The following NPC1 variants were observed in gnomAD, a reference collection of about 807,000 sequenced individuals.
NPC1 encodes Niemann-Pick C1 protein.
NPC1 carries 85 observed loss-of-function variants against 140.4 expected under a neutral mutation model. The ratio of observed to expected loss-of-function variants is 0.61; its 90% CI spans 0.51 to 0.72. NPC1 has a LOEUF of 0.72. Among genes scored for constraint, NPC1 ranks in the 30% least tolerant of loss-of-function variants. The probability of loss-of-function intolerance (pLI) is 0.00; values close to 1 mark genes in which losing one functional copy is unlikely to be tolerated. For synonymous variants in NPC1, 656 were observed against 624.8 expected, an observed-to-expected ratio of 1.05 and a Z score of -0.74; for missense variants, 1,504 against 1,623.8, an observed-to-expected ratio of 0.93 and a Z score of 1.27.
chr18:23,569,972 C>A (rs1346325006), intron 3 of NPC1, among the ~76,000 whole-genome samples: 1 of 152,200 alleles, frequency 6.6e-6, no homozygotes, highest in Non-Finnish European at 1.5e-5. Flanking sequence ...ATCAAGATTA[C>A]TTTAGACTCC....
chr18:23,510,332 A>T (rs1479979730), intron 3 of NPC1, among the ~76,000 whole-genome samples: 1 of 151,914 alleles, frequency 6.6e-6, no homozygotes, highest in Non-Finnish European at 1.5e-5. Context: ...CAAAAAAAAA[A>T]ACAAAAACAC....
intron 7 of NPC1, 44 bp from the exon 8 acceptor site, chr18:23,556,657 A>G: frequency 6.2e-7 from 1 of 1,610,344 alleles, no homozygotes; most frequent in Non-Finnish European, 8.5e-7. Context: ...TTAAGAGCCA[A>G]GCCGTTCCTG....
At chr18:23,525,103 C>T (rs1050825022), downstream of NPC1, among the ~76,000 whole-genome samples, 6 of 151,466 alleles carry the variant, frequency 4.0e-5, no homozygotes, top group African/African-American at 9.7e-5. Flanking sequence ...TGTGCCACCA[C>T]GCCCAGCTAA....
At chr18:23,544,641 T>C (rs1056976963) in intron 12 of NPC1, 115 bp from the exon 13 acceptor site, 19 of 953,228 alleles carry the variant, frequency 2.0e-5, no homozygotes, top group Admixed American at 6.0e-5. Context: ...GAGTTGAATG[T>C]ACAATTCTGT....
In NPC1 at chr18:23,531,500, T is replaced by C; in HGVS notation, c.*702A>G. The C allele has an allele frequency of 6.8e-7, 1 of 1,479,676 alleles. No homozygotes were observed. The highest frequency in any genetic ancestry group is 8.9e-7 in the Non-Finnish European group (1 of 1,122,742). 91.7% of individuals were successfully genotyped at this position (1,479,676 alleles called of 1,614,324 possible). The stretch of plus-strand genomic sequence containing the variant: ...AAGCAGATAGGGTAACCCCAAAACT[T>C]AGGAAAACAATGTATTTTATTAAAG... On this transcript the variant is annotated 3_prime_UTR_variant, in exon 25 of 25. Transcript: ENST00000269228.
At chr18:23,549,201 TTTC>T (rs2058832156) in intron 10 of NPC1, among the ~76,000 whole-genome samples, 1 of 152,198 alleles carries the variant, frequency 6.6e-6, no homozygotes, top group African/African-American at 2.4e-5. Context: ...CATTCCTTTT[TTTC>T]TTCTTTTTTA....
chr18:23,568,725 T>C (rs2145525692), intron 4 of NPC1, 98 bp downstream of exon 4: 1 of 972,394 alleles, frequency 1.0e-6, no homozygotes, highest in Non-Finnish European at 1.7e-6. Context: ...GAACTGAAAA[T>C]TGTGATTTTC....
At chr18:23,576,344 C>G (rs2059278669) in intron 1 of NPC1, 2 of 309,166 alleles carry the variant, frequency 6.5e-6, no homozygotes, top group Non-Finnish European at 9.4e-6. Context: ...TCAGCTTGAA[C>G]CCAGGAGGTT....
intron 2 of NPC1, among the ~76,000 whole-genome samples, 176 bp from the exon 3 acceptor site, chr18:23,572,356 A>G (rs575519472): frequency 1.2e-4 from 18 of 152,312 alleles, no homozygotes; most frequent in East Asian, 3.9e-4. Flanking sequence ...CACATTTACT[A>G]TTTATTCACA....
intron 1 of NPC1, among the ~76,000 whole-genome samples, chr18:23,580,897 T>C (rs1456053246): frequency 6.6e-6 from 1 of 152,242 alleles, no homozygotes; most frequent in Non-Finnish European, 1.5e-5. Context: ...CTGACTTCTA[T>C]TGACGGAAAT....
chr18:23,568,268 T>TC (rs60192630), intron 4 of NPC1, among the ~76,000 whole-genome samples: 5,458 of 152,260 alleles, frequency 0.036, 318 homozygotes, highest in African/African-American at 0.13. Flanking sequence ...TCTTTTGGAT[T>TC]CCTAAGTGCC....
chr18:23,519,327 G>A (rs558821240), downstream of NPC1, among the ~76,000 whole-genome samples: 11 of 152,288 alleles, frequency 7.2e-5, no homozygotes, highest in East Asian at 2.1e-3. Context: ...AGACCAGCCT[G>A]AGCAGCATGG....
downstream of NPC1, among the ~76,000 whole-genome samples, chr18:23,524,711 C>T (rs988126596): frequency 6.6e-6 from 1 of 151,906 alleles, no homozygotes; most frequent in Non-Finnish European, 1.5e-5. Flanking sequence ...ATGCCATTCT[C>T]CTGCTTAAGC....
intron 16 of NPC1, 132 bp downstream of exon 16, chr18:23,540,936 T>A (rs2058704246): frequency 9.7e-7 from 1 of 1,031,110 alleles, no homozygotes; most frequent in African/African-American, 1.6e-5. Flanking sequence ...GTTCCACATT[T>A]GCTTTTGCTT....
rs962001141 is a variant in NPC1 at position 23,531,557 on chromosome 18, A to G, written c.*645T>C. 3.8e-6 allele frequency: 6 copies of G among 1,585,310 alleles called. No homozygotes were observed. Among genetic ancestry groups the G allele is most frequent in the African/African-American group, 2.7e-5 (2 of 73,308 alleles). ...AAGTTAAAACCCAGTAGACACACCT[A>G]CGAGATGCTTTCTTTGTCCCTCATT... On this transcript the variant is annotated 3_prime_UTR_variant, in exon 25 of 25. Transcript: ENST00000269228.
intron 1 of NPC1, chr18:23,524,109 T>C (rs370329557): frequency 7.4e-6 from 12 of 1,613,888 alleles, no homozygotes. Flanking sequence ...ATCGTTGCAC[T>C]TATGTTTTCT....
At chr18:23,575,376 G>A (rs946044215) in intron 1 of NPC1, among the ~76,000 whole-genome samples, 3 of 152,102 alleles carry the variant, frequency 2.0e-5, no homozygotes, top group African/African-American at 7.2e-5. Context: ...GAGTGGGATC[G>A]AGTCCTGGGT....
At position 23,538,571 on chromosome 18, in the gene NPC1, C is replaced by T. The variant is rs182413311; in HGVS notation, c.3012G>A (p.Ser1004=). The change falls in exon 20 of 25, where the codon TCG becomes TCA. Residue 1004 remains serine, a synonymous_variant. Transcript: ENST00000269228. ...DFMRFLPMFL[S]DNPNPKCGKG... ...TGCCACACTTGGGGTTAGGGTTATC[C>T]GAAAGGAACATGGGCAGGAATCTCA... The T allele has an allele frequency of 7.0e-5, 113 of 1,614,088 alleles. No homozygotes were observed. The highest frequency in any genetic ancestry group is 4.0e-4 in the East Asian group (18 of 44,880).
intron 1 of NPC1, among the ~76,000 whole-genome samples, chr18:23,582,769 C>A (rs554080260): frequency 6.8e-6 from 1 of 148,086 alleles, no homozygotes; most frequent in Non-Finnish European, 1.5e-5. Context: ...CGTGCCACTG[C>A]GCTCCAGCCT....
Sources: gnomAD v4.1 joint callset for allele counts (sites outside exome capture counted in the v4.1 genomes callset) on GRCh38, gnomAD v4.1.1 for gene constraint, MANE v1.5 for transcripts, NCBI Gene and HGNC (gene_info 2026-07-23, HGNC 2026-07-21) for gene names.